The following SHISA5 variants were observed in gnomAD, a reference collection of about 807,000 sequenced individuals.
SHISA5 encodes shisa family member 5, also known as protein shisa-5.
SHISA5 carries 21 observed loss-of-function variants against 27.5 expected under a neutral mutation model. That is an observed-to-expected ratio of 0.76 (90% CI 0.54 to 1.10). SHISA5 has a LOEUF of 1.10. Ranked by LOEUF, SHISA5 falls within the 50% of genes least tolerant of loss-of-function variation. The probability of loss-of-function intolerance (pLI) is 0.00; values close to 1 mark genes in which losing one functional copy is unlikely to be tolerated. For synonymous variants in SHISA5, 137 were observed against 142.2 expected (o/e 0.96, Z 0.26); for missense variants, 314 against 336.3 (o/e 0.93, Z 0.52).
intron 2 of SHISA5, among the ~76,000 whole-genome samples, chr3:48,499,082 C>CAA (rs777373636): frequency 2.8e-4 from 12 of 43,478 alleles, no homozygotes; most frequent in African/African-American, 1.1e-3. Flanking sequence ...AACTCCATCT[C>CAA]AAAAAAAAAA....
chr3:48,492,509 T>G (rs2107367101), intron 2 of SHISA5, among the ~76,000 whole-genome samples: 1 of 147,778 alleles, frequency 6.8e-6, no homozygotes, highest in East Asian at 1.9e-4. Context: ...GATGAGATCA[T>G]GAGGGTGAAG....
intron 2 of SHISA5, among the ~76,000 whole-genome samples, chr3:48,500,416 G>C (rs1168737900): frequency 2.0e-5 from 3 of 152,082 alleles, no homozygotes; most frequent in Non-Finnish European, 2.9e-5. Flanking sequence ...GAGCCCAGGA[G>C]TATGAGACCA....
chr3:48,498,164 C>A (rs771550134), intron 2 of SHISA5, among the ~76,000 whole-genome samples: 1 of 152,242 alleles, frequency 6.6e-6, no homozygotes, highest in East Asian at 1.9e-4. Context: ...AACATCCATC[C>A]ATAATTAAAA....
At chr3:48,482,796 G>A (rs966817037) in intron 2 of SHISA5, among the ~76,000 whole-genome samples, 2 of 151,672 alleles carry the variant, frequency 1.3e-5, no homozygotes, top group African/African-American at 2.4e-5. Context: ...CCACACACCC[G>A]GCTAATTTTT....
rs531742240 is a variant in SHISA5, at chr3:48,473,803, G to A, written c.315-3960C>T. On this transcript the variant is annotated intron_variant, in intron 3 of 5. Coordinates refer to ENST00000296444, the MANE Select transcript of SHISA5 (RefSeq NM_016479.6). The surrounding 1 kb of genome is among the most constrained non-coding windows in gnomAD (Gnocchi z 4.3). Reference sequence around the variant, plus strand: ...AGGCCATGTGCAGTGGCTCACACCTGCAATCCCAGCACTTTGGGAGGCCGA... The same window carrying A: ...AGGCCATGTGCAGTGGCTCACACCTACAATCCCAGCACTTTGGGAGGCCGA... Among the ~76,000 whole-genome samples the A allele has an allele frequency of 6.6e-6, 1 of 152,256 alleles. No homozygotes were observed. The highest frequency in any genetic ancestry group is 2.4e-5 in the African/African-American group (1 of 41,552).
In SHISA5 at chr3:48,473,242, G is replaced by A. The variant is rs895079274; in HGVS notation, c.315-3399C>T. 6.1e-5 allele frequency: 87 copies of A among 1,422,738 alleles called. No individual in the cohort carries two copies. The highest frequency in any genetic ancestry group is 2.3e-4 in the Admixed American group (8 of 35,172). The allele number at this position is 1,422,738 out of a possible 1,614,324, so 88.1% of individuals were successfully genotyped here. ...GCTAGCAGCCAAGGAGCCAAGGGGC[G>A]GGGGCCGGGGAGGAGGGGAAGCAGA... On this transcript the variant is annotated intron_variant, in intron 3 of 5. Coordinates refer to ENST00000296444, the MANE Select transcript of SHISA5 (RefSeq NM_016479.6). The surrounding 1 kb of genome is among the most constrained non-coding windows in gnomAD (Gnocchi z 4.3).
chr3:48,468,951 C>G lies in SHISA5; in HGVS notation c.*156G>C. On this transcript the variant is annotated 3_prime_UTR_variant, in exon 6 of 6. Coordinates refer to ENST00000296444, the MANE Select transcript of SHISA5 (RefSeq NM_016479.6). ...CCCACCTTGTCAGCATCAGAGGAAG[C>G]CACATATACAGGCAGGACACACACA... is the stretch of plus-strand genomic sequence containing the variant. 6.4e-7 allele frequency: 1 copy of G among 1,570,768 alleles called. No homozygotes were observed.
intron 2 of SHISA5, among the ~76,000 whole-genome samples, chr3:48,494,300 T>C (rs980330288): frequency 7.7e-6 from 1 of 130,348 alleles, no homozygotes; most frequent in East Asian, 2.2e-4. Flanking sequence ...CTGGATTTCC[T>C]TTTTTTTTTT....
chr3:48,478,935 C>T (rs956140933), intron 3 of SHISA5, among the ~76,000 whole-genome samples: 2 of 152,116 alleles, frequency 1.3e-5, no homozygotes, highest in African/African-American at 4.8e-5. Context: ...TACCCCGGAC[C>T]CCTGGCCCTT....
Position 48,468,299 on chromosome 3 carries a change from C to T in SHISA5, c.*808G>A. 2.0e-6 allele frequency: 2 copies of T among 1,023,016 alleles called. No individual in the cohort carries two copies. Among genetic ancestry groups the T allele is most frequent in the Non-Finnish European group, 2.3e-6 (2 of 852,512 alleles). The allele number at this position is 1,023,016 out of a possible 1,614,324, so 63.4% of individuals were successfully genotyped here. ...ACTGCAGGGAAGAGAACTGAGTGTG[C>T]TGGTGGACAGGAGCCCTGCTCACCT... On this transcript the variant is annotated 3_prime_UTR_variant, in exon 6 of 6. Transcript: ENST00000296444.
At chr3:48,472,531 G>A (rs2040671990) in intron 3 of SHISA5, among the ~76,000 whole-genome samples, 1 of 151,924 alleles carries the variant, frequency 6.6e-6, no homozygotes. Flanking sequence ...TTTTTAAAAG[G>A]TGTCAGCCAC....
intron 3 of SHISA5, among the ~76,000 whole-genome samples, chr3:48,478,379 A>G (rs1380501275): frequency 6.6e-6 from 1 of 152,190 alleles, no homozygotes; most frequent in Non-Finnish European, 1.5e-5. Flanking sequence ...ACTCAGGCCC[A>G]GAGCCCAAGG....
At position 48,469,356 on chromosome 3, in the gene SHISA5, C is replaced by G; in HGVS notation, c.643+5G>C. 6.3e-7 allele frequency: 1 copy of G among 1,579,300 alleles called. No homozygotes were observed. The highest frequency in any genetic ancestry group is 8.6e-7 in the Non-Finnish European group (1 of 1,160,482). ...GGCAGGGCTAGAGTTGGCAGGGGCA[C>G]TCACCAGCCAGGGTCTCGTGGTAGG... On this transcript the variant is annotated splice_donor_5th_base_variant and intron_variant, in intron 5 of 5. Transcript: ENST00000296444. The surrounding 1 kb of genome is among the most constrained non-coding windows in gnomAD (Gnocchi z 4.6).
At position 48,473,724 on chromosome 3, in the gene SHISA5, GTGTGTC is replaced by G. The variant is rs1402314108; in HGVS notation, c.315-3887_315-3882del. The G allele has an allele frequency of 2.2e-6, 1 of 458,644 alleles. No homozygotes were observed. The highest frequency in any genetic ancestry group is 2.9e-6 in the Non-Finnish European group (1 of 349,060). 28.4% of individuals were successfully genotyped at this position (458,644 alleles called of 1,614,324 possible). A position where few individuals can be genotyped will look rare whatever the true frequency, so the allele number is the denominator to read the frequency against. On this transcript the variant is annotated intron_variant, in intron 3 of 5. Transcript: ENST00000296444. This position sits in a 1 kb window ranked among gnomAD's most constrained non-coding sequence, Gnocchi z 4.3. ...GCTTTATAATTACATGTTAAACTGA[GTGTGTC>G]TGTGCTTTCCTGTGTATGTATTATA...
chr3:48,468,830 C>A lies in SHISA5; in HGVS notation c.*277G>T. On this transcript the variant is annotated 3_prime_UTR_variant, in exon 6 of 6. Coordinates refer to ENST00000296444, the MANE Select transcript of SHISA5 (RefSeq NM_016479.6). ...ACCTCACAGGGTGCCCCCCACCACC[C>A]CATTCTTTGAGTTTGGCTTGAGATT... The A allele has an allele frequency of 6.7e-7, 1 of 1,485,248 alleles. No homozygotes were observed. The allele number at this position is 1,485,248 out of a possible 1,614,324, so 92.0% of individuals were successfully genotyped here.
At chr3:48,494,216 T>C (rs2041495125) in intron 2 of SHISA5, among the ~76,000 whole-genome samples, 1 of 147,234 alleles carries the variant, frequency 6.8e-6, no homozygotes, top group African/African-American at 2.7e-5. Context: ...TGTATTTGTC[T>C]TTCTGCGCCT....
chr3:48,504,252 A>T, upstream of SHISA5: 3 of 355,348 alleles, frequency 8.4e-6, no homozygotes, highest in Non-Finnish European at 1.0e-5. This position sits in a 1 kb window ranked among gnomAD's most constrained non-coding sequence, Gnocchi z 4.0. Context: ...AGGAGGAGGG[A>T]GGAGGAGGGA....
In SHISA5 at chr3:48,484,042, T is replaced by G. The variant is rs150298822; in HGVS notation, c.234-4785A>C. ...AAATACTAATATTTAAGAAGAACTTTTTATGATGTCTGGGATTTGCTTTAA... is the reference window on the plus strand; with the variant it reads ...AAATACTAATATTTAAGAAGAACTTGTTATGATGTCTGGGATTTGCTTTAA... On this transcript the variant is annotated intron_variant, in intron 2 of 5. Transcript: ENST00000296444. 4.6e-3 allele frequency among the ~76,000 whole-genome samples: 694 copies of G among 152,264 alleles called. 5 individuals carry two copies. The highest frequency in any genetic ancestry group is 0.016 in the African/African-American group (666 of 41,558).
chr3:48,502,224 C>T (rs931832474), intron 1 of SHISA5: 7 of 356,542 alleles, frequency 2.0e-5, no homozygotes, highest in Non-Finnish European at 3.4e-5. Flanking sequence ...CAACCTCAGC[C>T]CCTGCTGGGC....
Sources: allele counts gnomAD v4.1 joint callset (sites outside exome capture counted in the v4.1 genomes callset), GRCh38; gene constraint gnomAD v4.1.1; non-coding constraint Gnocchi (gnomAD v3.1); transcripts MANE v1.5; gene names NCBI Gene and HGNC (gene_info 2026-07-23, HGNC 2026-07-21).